RNF11: variants seen among roughly 807,000 people sequenced by gnomAD.
The protein encoded by RNF11 is ring finger protein 11.
In RNF11, 4 loss-of-function variants were observed where a neutral mutation model predicts 15.8. That is an observed-to-expected ratio of 0.25 (90% CI 0.12 to 0.58). RNF11 has a LOEUF of 0.58. Among genes scored for constraint, RNF11 ranks in the 20% least tolerant of loss-of-function variants. The pLI is 0.91. For synonymous variants in RNF11, 68 were observed against 72.3 expected, an observed-to-expected ratio of 0.94 and a Z score of 0.30; for missense variants, 139 against 194.4, an observed-to-expected ratio of 0.71 and a Z score of 1.70.
intron 1 of RNF11, among the ~76,000 whole-genome samples, chr1:51,244,942 C>T (rs966465397): frequency 1.3e-5 from 2 of 152,176 alleles, no homozygotes; most frequent in African/African-American, 4.8e-5. Context: ...TGGTGAGTTA[C>T]TTGGTACATA....
rs562664149 is a variant in RNF11, at chr1:51,243,790, C to G, written c.123+6911C>G. On this transcript the variant is annotated intron_variant, in intron 1 of 2. Coordinates refer to ENST00000242719, the MANE Select transcript of RNF11 (RefSeq NM_014372.5). ...CACTGAAGATATCTGACTTAGCATTCAAAGTCATGATTTGGCTCTACATAT... is the reference window on the plus strand; with the variant it reads ...CACTGAAGATATCTGACTTAGCATTGAAAGTCATGATTTGGCTCTACATAT... Among the ~76,000 whole-genome samples the G allele has an allele frequency of 3.0e-4, 46 of 152,318 alleles. No individual in the cohort carries two copies. The South Asian group carries it at 8.9e-3, about 29-fold the overall frequency.
intron 1 of RNF11, among the ~76,000 whole-genome samples, chr1:51,238,586 G>A (rs976046920): frequency 2.0e-5 from 3 of 152,178 alleles, no homozygotes; most frequent in African/African-American, 7.2e-5. Flanking sequence ...TTTTTCCAAA[G>A]TAAGTTGTCA....
chr1:51,250,570 T>C, intron 1 of RNF11: 1 of 607,482 alleles, frequency 1.6e-6, no homozygotes, highest in Non-Finnish European at 2.9e-6. Context: ...TTACGCTTAA[T>C]TCGCTTTATT....
In RNF11 at chr1:51,271,492, A is replaced by G; in HGVS notation, c.*170A>G. 7.4e-6 allele frequency: 4 copies of G among 542,820 alleles called. No individual in the cohort carries two copies. The South Asian group carries it at 1.2e-4, about 16-fold the overall frequency. The allele number at this position is 542,820 out of a possible 1,614,324, so 33.6% of individuals were successfully genotyped here. A position where few individuals can be genotyped will look rare whatever the true frequency, so the allele number is the denominator to read the frequency against. On this transcript the variant is annotated 3_prime_UTR_variant, in exon 3 of 3. Transcript: ENST00000242719. Reference sequence around the variant, plus strand: ...GGAAAAAGTACGTGATATTTTAGAAACTTAGTGGGAAAAGTAGGATGGTAT... The same window carrying G: ...GGAAAAAGTACGTGATATTTTAGAAGCTTAGTGGGAAAAGTAGGATGGTAT...
chr1:51,249,985 T>C (rs1176122169), intron 1 of RNF11, among the ~76,000 whole-genome samples: 1 of 152,220 alleles, frequency 6.6e-6, no homozygotes, highest in Non-Finnish European at 1.5e-5. Context: ...TACCTATTCG[T>C]CGTTCTTCTG....
intron 1 of RNF11, among the ~76,000 whole-genome samples, chr1:51,249,983 C>T (rs1352836022): frequency 6.6e-6 from 1 of 152,174 alleles, no homozygotes; most frequent in African/African-American, 2.4e-5. Context: ...CATACCTATT[C>T]GTCGTTCTTC....
At chr1:51,253,483 A>G (rs1569667157) in intron 1 of RNF11, among the ~76,000 whole-genome samples, 1 of 151,146 alleles carries the variant, frequency 6.6e-6, no homozygotes, top group African/African-American at 2.4e-5. Context: ...TGATCACACC[A>G]CTACACTCCA....
At chr1:51,251,446 C>T in intron 1 of RNF11, 2 of 758,374 alleles carry the variant, frequency 2.6e-6, no homozygotes, top group East Asian at 5.4e-5. Context: ...CCGGGCCCCC[C>T]CCCGCTGCAC....
chr1:51,254,917 C>T (rs1646897417), intron 1 of RNF11, among the ~76,000 whole-genome samples: 1 of 152,248 alleles, frequency 6.6e-6, no homozygotes, highest in Admixed American at 6.5e-5. Flanking sequence ...TATATGCTGG[C>T]TCTTACTAAC....
chr1:51,257,611 C>T (rs1569672500), intron 1 of RNF11, among the ~76,000 whole-genome samples: 1 of 152,064 alleles, frequency 6.6e-6, no homozygotes, highest in East Asian at 1.9e-4. Context: ...ATGTACACCA[C>T]CATGCCCGAC....
chr1:51,251,476 G>A lies in RNF11; in HGVS notation c.123+14597G>A, dbSNP rs112418474. ...CTGCACTGGTGTCATCCACCATTTG[G>A]TGTTTTCTCGGAGAAGAAAGGATTT... is the stretch of plus-strand genomic sequence containing the variant. On this transcript the variant is annotated intron_variant, in intron 1 of 2. Transcript: ENST00000242719. 808 of 618,540 alleles carry A rather than the reference G, an allele frequency of 1.3e-3. 6 individuals are homozygous for A. In the African/African-American group the frequency reaches 0.014, roughly 10 times the overall value. The allele number at this position is 618,540 out of a possible 1,614,324, so 38.3% of individuals were successfully genotyped here.
At chr1:51,264,307 TATATATATATACAC>T (rs1202405869) in intron 1 of RNF11, among the ~76,000 whole-genome samples, 4 of 103,018 alleles carry the variant, frequency 3.9e-5, no homozygotes, top group African/African-American at 1.3e-4. Flanking sequence ...TATATATATA[TATATATATATACAC>T]ACACACACAC....
chr1:51,262,417 A>G (rs531352399), intron 1 of RNF11, among the ~76,000 whole-genome samples: 84 of 152,376 alleles, frequency 5.5e-4, no homozygotes, highest in Non-Finnish European at 1.0e-3. Flanking sequence ...GGGTTTGACA[A>G]ACTTCTTAGG....
intron 1 of RNF11, among the ~76,000 whole-genome samples, chr1:51,238,843 C>T (rs1188360134): frequency 2.0e-5 from 3 of 152,136 alleles, no homozygotes; most frequent in Non-Finnish European, 4.4e-5. Flanking sequence ...GATTCTCCTG[C>T]CTCAGCCTCC....
chr1:51,236,969 G>C (rs1646806560), intron 1 of RNF11, 90 bp downstream of exon 1: 2 of 1,480,354 alleles, frequency 1.4e-6, no homozygotes, highest in Admixed American at 2.1e-5. Flanking sequence ...CCCTGGCTTC[G>C]GCAAGGCCTG....
chr1:51,261,664 C>G (rs1199380764), intron 1 of RNF11, among the ~76,000 whole-genome samples: 3 of 151,316 alleles, frequency 2.0e-5, no homozygotes, highest in African/African-American at 7.3e-5. Context: ...CTCAGCCTCC[C>G]ACCACGCCCT....
rs187570537 is a variant in RNF11, at chr1:51,255,194, A to G, written c.124-14762A>G. On this transcript the variant is annotated intron_variant, in intron 1 of 2. Coordinates refer to ENST00000242719, the MANE Select transcript of RNF11 (RefSeq NM_014372.5). ...GTTTCTACTACTTATATATCATGCA[A>G]TGTGTACATTATAGCTGACATAGAG... 2.2e-3 allele frequency among the ~76,000 whole-genome samples: 332 copies of G among 152,334 alleles called. 3 individuals carry two copies. Among genetic ancestry groups the G allele is most frequent in the African/African-American group, 7.6e-3 (315 of 41,582 alleles).
chr1:51,252,861 C>G (rs1416771181), intron 1 of RNF11, among the ~76,000 whole-genome samples: 1 of 149,092 alleles, frequency 6.7e-6, no homozygotes, highest in Non-Finnish European at 1.5e-5. Context: ...GAGTCTTGCT[C>G]TGTTGCCCAG....
intron 1 of RNF11, among the ~76,000 whole-genome samples, chr1:51,249,532 C>T (rs796067220): frequency 6.6e-6 from 1 of 152,206 alleles, no homozygotes; most frequent in African/African-American, 2.4e-5. Flanking sequence ...AACTGTTGGT[C>T]CTTATGACCT....
Sources: allele counts gnomAD v4.1 joint callset (sites outside exome capture counted in the v4.1 genomes callset), GRCh38; gene constraint gnomAD v4.1.1; transcripts MANE v1.5; gene names NCBI Gene and HGNC (gene_info 2026-07-23, HGNC 2026-07-21).